Variants in VPS54 observed in about 807,000 individuals in gnomAD.
VPS54 encodes the protein vacuolar protein sorting-associated protein 54.
A neutral mutation model predicts 121.5 loss-of-function variants in VPS54; 45 were observed. That is an observed-to-expected ratio of 0.37 (90% CI 0.29 to 0.47). The LOEUF is 0.47. VPS54 is among the 20% of genes least tolerant of loss of function. The pLI is 0.99. For missense variants in VPS54, 1,090 were observed against 1,131.4 expected, an observed-to-expected ratio of 0.96 and a Z score of 0.52; for synonymous variants, 371 against 385.8, an observed-to-expected ratio of 0.96 and a Z score of 0.45.
intron 5 of VPS54, 110 bp downstream of exon 5, chr2:63,968,846 CA>C (rs1435776851): frequency 1.2e-6 from 1 of 850,726 alleles, no homozygotes; most frequent in East Asian, 2.6e-5. Flanking sequence ...CCACAAGAGA[CA>C]AAGTAGCCAA....
At chr2:63,999,238 C>T (rs1190240263) in intron 1 of VPS54, among the ~76,000 whole-genome samples, 3 of 152,238 alleles carry the variant, frequency 2.0e-5, no homozygotes, top group Admixed American at 1.3e-4. Flanking sequence ...GTGTGAGCCA[C>T]TGCACCTGGC....
At chr2:63,893,884 T>C (rs1316061621) in intron 22 of VPS54, among the ~76,000 whole-genome samples, 1 of 152,188 alleles carries the variant, frequency 6.6e-6, no homozygotes, top group Non-Finnish European at 1.5e-5. Context: ...CACTAGAGTA[T>C]GGGAGTGCTG....
At chr2:63,994,188 CT>C (rs1276638954) in intron 1 of VPS54, among the ~76,000 whole-genome samples, 1 of 152,152 alleles carries the variant, frequency 6.6e-6, no homozygotes, top group African/African-American at 2.4e-5. Flanking sequence ...TCCTAATTAC[CT>C]TTCTTTTTCT....
chr2:63,921,866 G>C (rs1255780188), intron 12 of VPS54, among the ~76,000 whole-genome samples: 1 of 152,218 alleles, frequency 6.6e-6, no homozygotes, highest in African/African-American at 2.4e-5. Context: ...ACTCCAATTG[G>C]AAAGTCTGCA....
At chr2:63,947,226 G>A (rs1044231120) in intron 9 of VPS54, among the ~76,000 whole-genome samples, 157 bp downstream of exon 9, 1 of 151,882 alleles carries the variant, frequency 6.6e-6, no homozygotes, top group Non-Finnish European at 1.5e-5. Flanking sequence ...CTTTTGGCTG[G>A]TAAGGCTATG....
intron 11 of VPS54, among the ~76,000 whole-genome samples, chr2:63,940,255 A>G (rs1434669238): frequency 6.6e-6 from 1 of 152,180 alleles, no homozygotes; most frequent in Non-Finnish European, 1.5e-5. Flanking sequence ...ACAGCTTGTA[A>G]TTAACATTAT....
At chr2:63,961,533 G>C (rs75608625) in intron 7 of VPS54, among the ~76,000 whole-genome samples, 3,436 of 152,160 alleles carry the variant, frequency 0.023, 44 homozygotes, top group East Asian at 0.076. Flanking sequence ...AAACACTTTG[G>C]AATGATTTCA....
intron 7 of VPS54, among the ~76,000 whole-genome samples, chr2:63,958,696 A>G (rs1259268964): frequency 6.6e-6 from 1 of 152,230 alleles, no homozygotes; most frequent in African/African-American, 2.4e-5. Context: ...AGCCTGGGTG[A>G]CAGGGCAAGA....
In VPS54 at chr2:63,919,880, T is replaced by A. The variant is rs1203157134; in HGVS notation, c.2164+3A>T. 1 of 1,605,142 alleles carries A rather than the reference T, an allele frequency of 6.2e-7. No individual in the cohort carries two copies. Among genetic ancestry groups the A allele is most frequent in the East Asian group, 2.2e-5 (1 of 44,614 alleles). On this transcript the variant is annotated splice_donor_region_variant and intron_variant, in intron 15 of 22. Coordinates refer to ENST00000272322, the MANE Select transcript of VPS54 (RefSeq NM_016516.3). ...AAGAGAATGTGTGAATGAATACACA[T>A]ACCTCCTGATTTTTTTTCAGGTAAA...
chr2:64,002,229 G>A (rs866099399), intron 1 of VPS54, among the ~76,000 whole-genome samples: 4 of 152,326 alleles, frequency 2.6e-5, no homozygotes, highest in Non-Finnish European at 5.9e-5. Flanking sequence ...GGGAGAGGTG[G>A]TGTCAGCAAT....
intron 22 of VPS54, among the ~76,000 whole-genome samples, chr2:63,894,817 A>G (rs1672377971): frequency 1.3e-5 from 2 of 152,254 alleles, no homozygotes; most frequent in Non-Finnish European, 2.9e-5. Context: ...CAAGCTGCAT[A>G]TATGCAATAT....
intron 1 of VPS54, among the ~76,000 whole-genome samples, chr2:63,999,684 C>CTA (rs1464671429): frequency 6.6e-6 from 1 of 152,160 alleles, no homozygotes; most frequent in African/African-American, 2.4e-5. Context: ...CTTTTTACCC[C>CTA]TATCTCTTTC....
At chr2:64,018,415 G>A (rs1678813365) in intron 1 of VPS54, among the ~76,000 whole-genome samples, 2 of 152,196 alleles carry the variant, frequency 1.3e-5, no homozygotes, top group South Asian at 4.1e-4. Context: ...TGTCTATGCA[G>A]AGATGGAAGG....
At chr2:63,991,878 T>C (rs1677337213) in intron 1 of VPS54, among the ~76,000 whole-genome samples, 1 of 152,214 alleles carries the variant, frequency 6.6e-6, no homozygotes, top group South Asian at 2.1e-4. Context: ...CTCAGTACAA[T>C]GCTTGTCCAC....
chr2:64,009,847 C>G (rs1437401929), intron 1 of VPS54, among the ~76,000 whole-genome samples: 2 of 141,650 alleles, frequency 1.4e-5, no homozygotes, highest in African/African-American at 5.2e-5. Flanking sequence ...ATAATTGACC[C>G]TTTTTTTTTT....
intron 4 of VPS54, 91 bp from the exon 5 acceptor site, chr2:63,969,082 G>T: frequency 9.6e-7 from 1 of 1,040,156 alleles, no homozygotes; most frequent in Non-Finnish European, 1.4e-6. Flanking sequence ...TATTGTACTG[G>T]GTCACATCCA....
At chr2:63,943,989 C>T (rs532776563) in intron 10 of VPS54, among the ~76,000 whole-genome samples, 1 of 151,756 alleles carries the variant, frequency 6.6e-6, no homozygotes, top group Non-Finnish European at 1.5e-5. Flanking sequence ...ACCTCGGCCT[C>T]CCAAAGTGCT....
chr2:63,910,907 A>C (rs1673121843), intron 20 of VPS54, among the ~76,000 whole-genome samples: 1 of 151,982 alleles, frequency 6.6e-6, no homozygotes, highest in African/African-American at 2.4e-5. Flanking sequence ...TTGTTCCACT[A>C]TTTTTGTTTG....
chr2:63,922,159 A>G (rs995583228), intron 12 of VPS54, among the ~76,000 whole-genome samples: 1 of 152,230 alleles, frequency 6.6e-6, no homozygotes, highest in Admixed American at 6.5e-5. Context: ...AAAGAGGAGT[A>G]TTTATAAGAC....
Sources: allele counts gnomAD v4.1 joint callset (sites outside exome capture counted in the v4.1 genomes callset), GRCh38; gene constraint gnomAD v4.1.1; transcripts MANE v1.5; gene names NCBI Gene and HGNC (gene_info 2026-07-23, HGNC 2026-07-21).